LTA4H: variants seen among roughly 807,000 people sequenced by gnomAD.
LTA4H encodes leukotriene A-4 hydrolase.
A neutral mutation model predicts 89.8 loss-of-function variants in LTA4H; 59 were observed. The ratio of observed to expected loss-of-function variants is 0.66; its 90% confidence interval spans 0.53 to 0.82. LTA4H has a LOEUF of 0.82. LTA4H is among the 40% of genes least tolerant of loss of function. The pLI, the probability that LTA4H is intolerant of heterozygous loss-of-function variation, is 0.00. For synonymous variants in LTA4H, 227 were observed against 253.1 expected (o/e 0.90, Z 0.98); for missense variants, 617 against 727.0 (o/e 0.85, Z 1.74).
chr12:96,020,143 G>A (rs897302236), intron 6 of LTA4H, among the ~76,000 whole-genome samples: 2 of 151,970 alleles, frequency 1.3e-5, no homozygotes, highest in African/African-American at 2.4e-5. Flanking sequence ...GGGCTCAAGC[G>A]ATCCTCCCAC....
At chr12:96,016,086 G>A (rs1276324625) in intron 10 of LTA4H, among the ~76,000 whole-genome samples, 1 of 152,060 alleles carries the variant, frequency 6.6e-6, no homozygotes, top group Admixed American at 6.5e-5. Context: ...GGCCGAGGCG[G>A]GAGAATTATC....
In LTA4H at chr12:96,001,003, A is replaced by C; in HGVS notation, c.1822T>G (p.Leu608Val). 1 of 1,612,630 alleles carries C rather than the reference A, an allele frequency of 6.2e-7. No homozygotes were observed. ...TACGCAGGTCTTTAATCCACTTTTA[A>C]GTCTTTCCCCACCAGCATTGCAGTC... is the stretch of plus-strand genomic sequence containing the variant. Reference protein sequence around the residue: ...PVTAMLVGKDLKVD With the variant: ...PVTAMLVGKDVKVD Residue 608 changes from leucine to valine, a missense_variant, in exon 19 of 19, where the codon TTA becomes GTA. Leu to Val is a conservative substitution (Grantham distance 32). Transcript: ENST00000228740.
intron 12 of LTA4H, chr12:96,014,206 TGACA>T (rs58278982): frequency 0.027 from 4,945 of 180,398 alleles, 180 homozygotes; most frequent in African/African-American, 0.091. Context: ...TGGATCCAGG[TGACA>T]GACAGCCTTC....
intron 12 of LTA4H, among the ~76,000 whole-genome samples, chr12:96,014,612 A>G (rs1252386053): frequency 6.6e-6 from 1 of 152,200 alleles, no homozygotes; most frequent in African/African-American, 2.4e-5. Flanking sequence ...AATACACACT[A>G]TTATCCTAAT....
intron 10 of LTA4H, 120 bp from the exon 11 acceptor site, chr12:96,015,814 C>T (rs1950366043): frequency 1.5e-6 from 1 of 650,818 alleles, no homozygotes; most frequent in South Asian, 1.9e-5. Context: ...ATGACCACTA[C>T]AGTCTAAGCC....
intron 16 of LTA4H, among the ~76,000 whole-genome samples, chr12:96,005,722 G>C (rs970309887): frequency 9.2e-5 from 14 of 151,898 alleles, no homozygotes; most frequent in Admixed American, 7.9e-4. Context: ...GATACCTAAA[G>C]TATGCCTCCT....
chr12:96,033,793 T>C (rs1015829574), intron 1 of LTA4H, among the ~76,000 whole-genome samples: 2 of 152,050 alleles, frequency 1.3e-5, no homozygotes, highest in African/African-American at 2.4e-5. Context: ...CACTTATGAG[T>C]GAGAACATGC....
upstream of LTA4H, among the ~76,000 whole-genome samples, chr12:96,036,908 C>T (rs1266204696): frequency 6.6e-6 from 1 of 152,160 alleles, no homozygotes; most frequent in Non-Finnish European, 1.5e-5. Flanking sequence ...GAAGAAGGGG[C>T]AGGCCTCTAC....
chr12:96,006,605 A>C (rs1950207308), intron 15 of LTA4H, among the ~76,000 whole-genome samples, 196 bp from the exon 16 acceptor site: 1 of 152,220 alleles, frequency 6.6e-6, no homozygotes, highest in East Asian at 1.9e-4. Context: ...TATGACTCCT[A>C]GAATCTATAT....
Position 96,003,926 on chromosome 12 carries a change from A to C in LTA4H, c.1531-6T>G. 1 of 1,585,954 alleles carries C rather than the reference A, an allele frequency of 6.3e-7. No homozygotes were observed. Among genetic ancestry groups the C allele is most frequent in the Non-Finnish European group, 8.6e-7 (1 of 1,158,260 alleles). On this transcript the variant is annotated splice_region_variant and splice_polypyrimidine_tract_variant and intron_variant, in intron 16 of 18. Transcript: ENST00000228740. ...TGCCCCAATGGAAGAGGTGCCTAAG[A>C]GCAAAATAAAGAAGTATACCGTATC...
At position 96,002,975 on chromosome 12, in the gene LTA4H, G is replaced by T; in HGVS notation, c.1703C>A (p.Thr568Asn). The T allele has an allele frequency of 6.3e-7, 1 of 1,599,336 alleles. No homozygotes were observed. The highest frequency in any genetic ancestry group is 8.5e-7 in the Non-Finnish European group (1 of 1,171,980). The part of the protein sequence containing the change: ...MATEQGRMKF[T>N]RPLFKDLAAF... ...GGGTTCTTACTTGAATAAGGGCCGGGTAAACTTCATTCTTCCTTGTTCAGT... is the reference window on the plus strand; with the variant it reads ...GGGTTCTTACTTGAATAAGGGCCGGTTAAACTTCATTCTTCCTTGTTCAGT... The change falls in exon 18 of 19, where the codon ACC becomes AAC. Residue 568 changes from threonine (T) to asparagine (N), a missense_variant. Transcript: ENST00000228740.
rs370328095 is a variant in LTA4H at position 96,017,586 on chromosome 12, A to G, written c.853-6T>C. ...GAGAGTGACTTGTCGCCTGCCTACA[A>G]AAAAAGAAAATTACCTTAGTATTTT... On this transcript the variant is annotated splice_region_variant and splice_polypyrimidine_tract_variant and intron_variant, in intron 8 of 18. Coordinates refer to ENST00000228740, the MANE Select transcript of LTA4H (RefSeq NM_000895.3). 246 of 1,608,046 alleles carry G rather than the reference A, an allele frequency of 1.5e-4. 1 individual carries two copies. Among genetic ancestry groups the G allele is most frequent in the South Asian group, 1.5e-3 (133 of 90,628 alleles).
chr12:96,029,807 CA>C (rs1210864909), intron 1 of LTA4H, among the ~76,000 whole-genome samples: 3 of 152,146 alleles, frequency 2.0e-5, no homozygotes, highest in African/African-American at 7.2e-5. Context: ...CTGAGCCCTA[CA>C]AATCATACTC....
Position 96,022,015 on chromosome 12 carries a change from G to T in LTA4H, c.585+132C>A. 1.6e-6 allele frequency: 1 copy of T among 624,532 alleles called. No homozygotes were observed. Among genetic ancestry groups the T allele is most frequent in the South Asian group, 2.0e-5 (1 of 48,902 alleles). The allele number at this position is 624,532 out of a possible 1,614,324, so 38.7% of individuals were successfully genotyped here. On this transcript the variant is annotated intron_variant, in intron 5 of 18. Coordinates refer to ENST00000228740, the MANE Select transcript of LTA4H (RefSeq NM_000895.3). The surrounding 1 kb of genome is among the most constrained non-coding windows in gnomAD (Gnocchi z 4.0). ...TTAAAAGCACAAAAGAAAAAAAAAT[G>T]AAGAAAACAAAAACCAAAAGCTGTT...
In LTA4H at chr12:96,002,942, G is replaced by A; in HGVS notation, c.1718+18C>T. 1 of 1,522,584 alleles carries A rather than the reference G, an allele frequency of 6.6e-7. No individual in the cohort carries two copies. The highest frequency in any genetic ancestry group is 9.0e-7 in the Non-Finnish European group (1 of 1,109,592). The allele number at this position is 1,522,584 out of a possible 1,614,324, so 94.3% of individuals were successfully genotyped here. Reference sequence around the variant, plus strand: ...GTTTCTTAGATGAATTCAAAGTACGGTCTGAGTGGGTTCTTACTTGAATAA... The same window carrying A: ...GTTTCTTAGATGAATTCAAAGTACGATCTGAGTGGGTTCTTACTTGAATAA... On this transcript the variant is annotated intron_variant, in intron 18 of 18. Transcript: ENST00000228740.
chr12:96,041,843 G>A (rs369456879), intron 1 of LTA4H, among the ~76,000 whole-genome samples: 4 of 151,960 alleles, frequency 2.6e-5, no homozygotes, highest in Non-Finnish European at 4.4e-5. Context: ...GGGTTTCACC[G>A]TGTTAGCCAG....
At chr12:96,020,856 G>C (rs1215153149) in intron 6 of LTA4H, 1 of 433,772 alleles carries the variant, frequency 2.3e-6, no homozygotes, top group African/African-American at 2.1e-5. Flanking sequence ...GATCTCTAAA[G>C]GTAAGAGCAT....
Position 96,013,781 on chromosome 12 carries a change from T to C in LTA4H, c.1277A>G (p.Lys426Arg), listed in dbSNP as rs748655518. ...TTTAAAATAGGAATACAGGAAATCC[T>C]TCCAGTCATCAGTAGTTATGCTCTT... ...SYKSITTDDW[K>R]DFLYSYFKDK... is the part of the protein sequence containing the mutation. The change falls in exon 13 of 19, where the codon AAG becomes AGG. Residue 426 changes from lysine to arginine, a missense_variant. Lys to Arg is a conservative substitution (Grantham distance 26, BLOSUM62 2). This residue lies in a region of LTA4H where 290 missense variants were observed against 339.1 expected (regional missense o/e 0.86). Coordinates refer to ENST00000228740, the MANE Select transcript of LTA4H (RefSeq NM_000895.3). 1.0e-5 allele frequency: 16 copies of C among 1,583,642 alleles called. 1 individual carries two copies. In the South Asian group the frequency reaches 1.8e-4, roughly 18 times the overall value.
In LTA4H at chr12:96,013,779, C is replaced by G; in HGVS notation, c.1279G>C (p.Asp427His). 1 of 1,578,656 alleles carries G rather than the reference C, an allele frequency of 6.3e-7. No homozygotes were observed. The highest frequency in any genetic ancestry group is 8.6e-7 in the Non-Finnish European group (1 of 1,157,086). Reference sequence around the variant, plus strand: ...TCTTTAAAATAGGAATACAGGAAATCCTTCCAGTCATCAGTAGTTATGCTC... The same window carrying G: ...TCTTTAAAATAGGAATACAGGAAATGCTTCCAGTCATCAGTAGTTATGCTC... ...YKSITTDDWK[D>H]FLYSYFKDKV... Residue 427 changes from aspartate to histidine, a missense_variant, in exon 13 of 19, where the codon GAT (aspartate) becomes CAT (histidine). Coordinates refer to ENST00000228740, the MANE Select transcript of LTA4H (RefSeq NM_000895.3).
Sources: gnomAD v4.1 joint callset for allele counts (sites outside exome capture counted in the v4.1 genomes callset) on GRCh38, gnomAD v4.1.1 for gene constraint, gnomAD v4.1.1 regional missense constraint, Gnocchi (gnomAD v3.1) non-coding constraint, MANE v1.5 for transcripts, NCBI Gene and HGNC (gene_info 2026-07-23, HGNC 2026-07-21) for gene names.